CNTNAP5: variants seen among roughly 807,000 people sequenced by gnomAD.
CNTNAP5 encodes contactin associated protein family member 5, also known as contactin-associated protein-like 5.
Under a neutral mutation model 150.2 loss-of-function variants are expected in CNTNAP5, and 72 were observed. That is an observed-to-expected ratio of 0.48 (90% CI 0.40 to 0.58). CNTNAP5 has a LOEUF of 0.58. Ranked by LOEUF, CNTNAP5 falls within the 20% of genes least tolerant of loss-of-function variation. The probability of loss-of-function intolerance (pLI) is 0.00; values close to 1 mark genes in which losing one functional copy is unlikely to be tolerated. For synonymous variants in CNTNAP5, 672 were observed against 619.8 expected (o/e 1.08, Z -1.25); for missense variants, 1,636 against 1,626.2 (o/e 1.01, Z -0.10).
intron 3 of CNTNAP5, among the ~76,000 whole-genome samples, chr2:124,324,783 G>A (rs1689176835): frequency 2.0e-5 from 3 of 152,180 alleles, no homozygotes; most frequent in African/African-American, 7.2e-5. Context: ...ACTCAGGGAA[G>A]AGAAAGAGGA....
intron 13 of CNTNAP5, among the ~76,000 whole-genome samples, chr2:124,659,538 C>T (rs1399864757): frequency 2.6e-5 from 4 of 152,138 alleles, no homozygotes; most frequent in Non-Finnish European, 4.4e-5. Flanking sequence ...TTCTTCTCTG[C>T]GAAATAGCTA....
intron 21 of CNTNAP5, among the ~76,000 whole-genome samples, chr2:124,895,658 C>A (rs1433176655): frequency 6.6e-6 from 1 of 151,380 alleles, no homozygotes; most frequent in Non-Finnish European, 1.5e-5. Context: ...TAGTTACAAG[C>A]AAAACAGGAA....
chr2:124,433,879 T>A (rs1692455911), intron 4 of CNTNAP5, among the ~76,000 whole-genome samples: 1 of 152,194 alleles, frequency 6.6e-6, no homozygotes, highest in Non-Finnish European at 1.5e-5. Context: ...ATGTTTTGTA[T>A]AAAAACACTA....
chr2:124,415,177 A>C (rs1275101503), intron 3 of CNTNAP5, among the ~76,000 whole-genome samples: 1 of 152,194 alleles, frequency 6.6e-6, no homozygotes, highest in African/African-American at 2.4e-5. Flanking sequence ...AAATAAAGCC[A>C]TTCTCCATCT....
At chr2:124,124,968 T>C (rs1683651865) in intron 1 of CNTNAP5, among the ~76,000 whole-genome samples, 1 of 152,096 alleles carries the variant, frequency 6.6e-6, no homozygotes, top group South Asian at 2.1e-4. Context: ...CATGCCAAAT[T>C]GTAAAGACCA....
rs1369311513 is a variant in CNTNAP5, at chr2:124,025,553, G to A, written c.-98G>A. 1.4e-5 allele frequency: 14 copies of A among 1,022,032 alleles called. No homozygotes were observed. Among genetic ancestry groups the A allele is most frequent in the Non-Finnish European group, 2.2e-5 (14 of 649,564 alleles). The allele number at this position is 1,022,032 out of a possible 1,614,324, so 63.3% of individuals were successfully genotyped here. ...TGCCTCTCCAAGCGGGGGTGGGAGG[G>A]GGTCAGGCTGTGCAGAGGAGAGAGA... On this transcript the variant is annotated 5_prime_UTR_variant, in exon 1 of 24. Coordinates refer to ENST00000682447, the MANE Select transcript of CNTNAP5 (RefSeq NM_001367498.1).
chr2:124,805,768 G>A (rs1682067951), intron 19 of CNTNAP5, among the ~76,000 whole-genome samples: 1 of 152,210 alleles, frequency 6.6e-6, no homozygotes, highest in African/African-American at 2.4e-5. Flanking sequence ...GGTACTGGCA[G>A]TGTTGGCGTC....
At chr2:124,264,609 A>C (rs1013901403) in intron 3 of CNTNAP5, among the ~76,000 whole-genome samples, 31 of 152,264 alleles carry the variant, frequency 2.0e-4, no homozygotes, top group African/African-American at 6.3e-4. Flanking sequence ...GTTAGGAGCA[A>C]GACTGAAATT....
At chr2:124,786,435 G>GAAAGAAAGA (rs1558775199) in intron 17 of CNTNAP5, among the ~76,000 whole-genome samples, 5 of 113,708 alleles carry the variant, frequency 4.4e-5, no homozygotes, top group African/African-American at 2.0e-4. Context: ...AGGAAGGAAG[G>GAAAGAAAGA]AAGGAAGGAA....
intron 17 of CNTNAP5, among the ~76,000 whole-genome samples, chr2:124,777,053 C>T (rs1183793058): frequency 6.6e-6 from 1 of 151,580 alleles, no homozygotes; most frequent in Non-Finnish European, 1.5e-5. Flanking sequence ...GACCTCTGAG[C>T]GCTAGCGGGC....
rs113003996 is a variant in CNTNAP5 at position 124,870,600 on chromosome 2, C to A, written c.3436+838C>A. On this transcript the variant is annotated intron_variant, in intron 21 of 23. Coordinates refer to ENST00000682447, the MANE Select transcript of CNTNAP5 (RefSeq NM_001367498.1). ...TATGTATCCAGCTCTTCCTGTGATT[C>A]TATCATATTCTTTCTGACTCTCTCT... Among the ~76,000 whole-genome samples, 526 of 151,446 alleles carry A rather than the reference C, an allele frequency of 3.5e-3. 3 individuals carry two copies. The highest frequency in any genetic ancestry group is 0.012 in the African/African-American group (481 of 40,798).
intron 1 of CNTNAP5, among the ~76,000 whole-genome samples, chr2:124,128,102 C>T (rs554807131): frequency 8.6e-4 from 131 of 152,244 alleles, no homozygotes; most frequent in Middle Eastern, 3.4e-3. Flanking sequence ...GCAAAAGAAA[C>T]TACCATCAGA....
At chr2:124,688,359 C>A (rs1468007259) in intron 13 of CNTNAP5, among the ~76,000 whole-genome samples, 1 of 151,962 alleles carries the variant, frequency 6.6e-6, no homozygotes, top group Non-Finnish European at 1.5e-5. Context: ...ACATTGCTAT[C>A]TATGAGATAT....
At chr2:124,311,661 C>T (rs914793877) in intron 3 of CNTNAP5, among the ~76,000 whole-genome samples, 1 of 152,180 alleles carries the variant, frequency 6.6e-6, no homozygotes, top group Non-Finnish European at 1.5e-5. Flanking sequence ...CACTGCCTAA[C>T]TGCAGTCCTT....
At chr2:124,263,868 G>GT (rs1361678599) in intron 3 of CNTNAP5, among the ~76,000 whole-genome samples, 1 of 152,066 alleles carries the variant, frequency 6.6e-6, no homozygotes, top group African/African-American at 2.4e-5. Flanking sequence ...TCTACATATG[G>GT]CAGCCAGTTT....
rs560658463 is a variant in CNTNAP5 at position 124,386,900 on chromosome 2, G to A, written c.382-30543G>A. ...GAACCTTTGAAAGGAAGGTCATTAA[G>A]TCATAAGAGTGGAGCCCTAATCATG... is the stretch of plus-strand genomic sequence containing the variant. On this transcript the variant is annotated intron_variant, in intron 3 of 23. Coordinates refer to ENST00000682447, the MANE Select transcript of CNTNAP5 (RefSeq NM_001367498.1). Among the ~76,000 whole-genome samples, 380 of 145,658 alleles carry A rather than the reference G, an allele frequency of 2.6e-3. 3 individuals carry two copies. Among genetic ancestry groups the A allele is most frequent in the Non-Finnish European group, 3.6e-3 (237 of 66,166 alleles).
At chr2:124,379,626 GT>G (rs910922857) in intron 3 of CNTNAP5, among the ~76,000 whole-genome samples, 1 of 152,100 alleles carries the variant, frequency 6.6e-6, no homozygotes, top group Non-Finnish European at 1.5e-5. Context: ...CTGTGTGCAA[GT>G]TTTTTGTGTG....
intron 13 of CNTNAP5, among the ~76,000 whole-genome samples, chr2:124,654,451 A>T (rs959376550): frequency 6.6e-6 from 1 of 152,198 alleles, no homozygotes; most frequent in African/African-American, 2.4e-5. Context: ...AGGAAGAAAC[A>T]TGTCTTATAT....
intron 3 of CNTNAP5, among the ~76,000 whole-genome samples, chr2:124,338,014 C>T (rs888815122): frequency 6.6e-6 from 1 of 152,122 alleles, no homozygotes; most frequent in Non-Finnish European, 1.5e-5. Context: ...AGTGTTCTTC[C>T]ATTTGTTTGT....
Sources: gnomAD v4.1 joint callset for allele counts (sites outside exome capture counted in the v4.1 genomes callset) on GRCh38, gnomAD v4.1.1 for gene constraint, MANE v1.5 for transcripts, NCBI Gene and HGNC (gene_info 2026-07-23, HGNC 2026-07-21) for gene names.